CCDC38: variants seen among roughly 807,000 people sequenced by gnomAD.
The protein encoded by CCDC38 is coiled-coil domain containing 38.
CCDC38 carries 69 observed loss-of-function variants against 72.8 expected under a neutral mutation model. That is an observed-to-expected ratio of 0.95 (90% CI 0.78 to 1.16). CCDC38 has a LOEUF of 1.16. Among genes scored for constraint, CCDC38 ranks in the 50% most tolerant of loss-of-function variants. The pLI is 0.00. For synonymous variants in CCDC38, 201 were observed against 213.2 expected, an observed-to-expected ratio of 0.94 and a Z score of 0.50; for missense variants, 626 against 638.9, an observed-to-expected ratio of 0.98 and a Z score of 0.22.
At chr12:95,930,294 C>T (rs1391090289) in intron 2 of CCDC38, among the ~76,000 whole-genome samples, 2 of 152,152 alleles carry the variant, frequency 1.3e-5, no homozygotes, top group African/African-American at 4.8e-5. Flanking sequence ...CTTAAAACAA[C>T]AGAAATGTAG....
chr12:95,872,375 G>A lies in CCDC38; in HGVS notation c.1364C>T (p.Pro455Leu). 2 of 1,614,064 alleles carry A rather than the reference G, an allele frequency of 1.2e-6. No homozygotes were observed. The highest frequency in any genetic ancestry group is 1.7e-6 in the Non-Finnish European group (2 of 1,179,992). ...TTCTACTTTTACCAGCTTTTGAATTGGGTTGAGGCCGTCATCCTCAGCATC... is the reference window on the plus strand; with the variant it reads ...TTCTACTTTTACCAGCTTTTGAATTAGGTTGAGGCCGTCATCCTCAGCATC... ...IGDAEDDGLNPIQKLVKVESR... is the reference protein window; with the variant it reads ...IGDAEDDGLNLIQKLVKVESR... The change falls in exon 14 of 16, where the codon CCA becomes CTA. Residue 455 changes from proline (P) to leucine (L), a missense_variant. Coordinates refer to ENST00000344280, the MANE Select transcript of CCDC38 (RefSeq NM_182496.3).
At chr12:95,918,214 C>A (rs992536297) in intron 3 of CCDC38, among the ~76,000 whole-genome samples, 1 of 152,300 alleles carries the variant, frequency 6.6e-6, no homozygotes, top group Non-Finnish European at 1.5e-5. Flanking sequence ...ATTAACTCTG[C>A]AAGGCACAGT....
chr12:95,900,776 C>A (rs538725207), intron 5 of CCDC38, among the ~76,000 whole-genome samples: 40 of 152,036 alleles, frequency 2.6e-4, no homozygotes, highest in African/African-American at 9.2e-4. Context: ...CAAAAAAATC[C>A]CCCTTTAAAA....
At chr12:95,940,454 C>A (rs773714433) in intron 1 of CCDC38, among the ~76,000 whole-genome samples, 9 of 152,062 alleles carry the variant, frequency 5.9e-5, no homozygotes, top group Non-Finnish European at 1.2e-4. Flanking sequence ...TTGCAACAAC[C>A]CCCTCTAAAA....
At chr12:95,899,977 A>G (rs1274575073) in intron 5 of CCDC38, among the ~76,000 whole-genome samples, 1 of 152,238 alleles carries the variant, frequency 6.6e-6, no homozygotes, top group Non-Finnish European at 1.5e-5. Flanking sequence ...TGATGTGGTG[A>G]GAATTAAACA....
chr12:95,918,976 C>A lies in CCDC38; in HGVS notation c.38G>T (p.Gly13Val), dbSNP rs751094394. Residue 13 changes from glycine (G) to valine (V), a missense_variant and splice_region_variant, in exon 3 of 16, where the codon GGT (glycine) becomes GTT (valine). Transcript: ENST00000344280. ...TTTGGTTGAGCCATCTTTTACTTTA[C>A]CTGTTAAAAAAGAAAGAATGAATGA... is the stretch of plus-strand genomic sequence containing the variant. ...SNLLPTLNSG[G>V]KVKDGSTKED... 28 of 1,580,042 alleles carry A rather than the reference C, an allele frequency of 1.8e-5. No homozygotes were observed. The highest frequency in any genetic ancestry group is 2.7e-5 in the African/African-American group (2 of 74,080).
intron 10 of CCDC38, among the ~76,000 whole-genome samples, chr12:95,886,122 C>T (rs2079756368): frequency 6.6e-6 from 1 of 152,076 alleles, no homozygotes; most frequent in African/African-American, 2.4e-5. Flanking sequence ...AGGACAGCCA[C>T]AAAGATCAAT....
At position 95,888,506 on chromosome 12, in the gene CCDC38, C is replaced by T; in HGVS notation, c.872G>A (p.Gly291Glu). 1.2e-6 allele frequency: 2 copies of T among 1,613,944 alleles called. No individual in the cohort carries two copies. The highest frequency in any genetic ancestry group is 1.7e-6 in the Non-Finnish European group (2 of 1,179,972). The change falls in exon 10 of 16, where the codon GGA (glycine) becomes GAA (glutamate). Residue 291 changes from glycine to glutamate, a missense_variant and splice_region_variant. Physicochemically the swap from Gly to Glu is moderately conservative, Grantham distance 98 (BLOSUM62 -2). Transcript: ENST00000344280. ...GCGAGTCAGGCTTCTGCTTGGCTTT[C>T]CTGTTCAAAATGTCCAGGTGAGGCC... ...EDASQGRDSQ[G>E]KPSRSLTRTP...
intron 13 of CCDC38, among the ~76,000 whole-genome samples, chr12:95,876,865 G>A (rs1043722314): frequency 6.6e-6 from 1 of 152,060 alleles, no homozygotes; most frequent in African/African-American, 2.4e-5. Flanking sequence ...TCTCACTAAC[G>A]CAAGCCTCCT....
intron 13 of CCDC38, among the ~76,000 whole-genome samples, chr12:95,876,843 T>C (rs75200471): frequency 0.043 from 6,542 of 152,264 alleles, 459 homozygotes; most frequent in East Asian, 0.36. Flanking sequence ...TGTGATGTTG[T>C]GGCAGGCCAG....
intron 2 of CCDC38, among the ~76,000 whole-genome samples, chr12:95,925,259 C>A (rs2080256020): frequency 6.6e-6 from 1 of 152,088 alleles, no homozygotes; most frequent in Non-Finnish European, 1.5e-5. Context: ...CCTTCACATC[C>A]CTTGTAAGTT....
chr12:95,934,549 T>C (rs1592810222), intron 2 of CCDC38: 2 of 152,126 alleles, frequency 1.3e-5, no homozygotes, highest in South Asian at 4.2e-4. Context: ...ATCTTAGCCC[T>C]GTCACAGTTC....
rs574166362 is a variant in CCDC38 at position 95,890,770 on chromosome 12, C to T, written c.871+62G>A. On this transcript the variant is annotated intron_variant, in intron 9 of 15. Coordinates refer to ENST00000344280, the MANE Select transcript of CCDC38 (RefSeq NM_182496.3). The stretch of plus-strand genomic sequence containing the variant: ...TCCAGGTTGGCTTGTAGTCCTCTGT[C>T]TCCACTTTGAGATGGACACATTCGC... The T allele has an allele frequency of 1.6e-5, 16 of 1,030,502 alleles. No homozygotes were observed. The African/African-American group carries it at 2.2e-4, about 14-fold the overall frequency. The allele number at this position is 1,030,502 out of a possible 1,614,324, so 63.8% of individuals were successfully genotyped here.
At chr12:95,880,559 C>G (rs2079688396) in intron 11 of CCDC38, among the ~76,000 whole-genome samples, 2 of 151,356 alleles carry the variant, frequency 1.3e-5, no homozygotes, top group African/African-American at 4.9e-5. Context: ...GAGGCTGAGG[C>G]AGAGAATTGC....
rs1225593367 is a variant in CCDC38, at chr12:95,936,633, A to C, written c.-14-110T>G. On this transcript the variant is annotated intron_variant, in intron 1 of 15. Coordinates refer to ENST00000344280, the MANE Select transcript of CCDC38 (RefSeq NM_182496.3). ...AACAGTCCTTATGGCTTTTAAAAGCAGTGAGCACACACATACTCTTTGACC... is the reference window on the plus strand; with the variant it reads ...AACAGTCCTTATGGCTTTTAAAAGCCGTGAGCACACACATACTCTTTGACC... 6.5e-6 allele frequency: 5 copies of C among 769,420 alleles called. No individual in the cohort carries two copies. The Admixed American group carries it at 1.0e-4, about 16-fold the overall frequency. The allele number at this position is 769,420 out of a possible 1,614,324, so 47.7% of individuals were successfully genotyped here. A position where few individuals can be genotyped will look rare whatever the true frequency, so the allele number is the denominator to read the frequency against.
intron 10 of CCDC38, among the ~76,000 whole-genome samples, chr12:95,884,258 C>A (rs1485891310): frequency 1.3e-5 from 2 of 152,174 alleles, no homozygotes; most frequent in Non-Finnish European, 2.9e-5. Context: ...GGTATACAAT[C>A]AATTGTATTT....
chr12:95,927,749 CT>C (rs2080288695), intron 2 of CCDC38, among the ~76,000 whole-genome samples: 1 of 152,034 alleles, frequency 6.6e-6, no homozygotes, highest in African/African-American at 2.4e-5. Flanking sequence ...GACAAAATCG[CT>C]CAGCATTTGC....
intron 5 of CCDC38, among the ~76,000 whole-genome samples, chr12:95,900,468 G>T (rs1472209726): frequency 6.6e-6 from 1 of 152,162 alleles, no homozygotes; most frequent in African/African-American, 2.4e-5. Flanking sequence ...TTTGGAATTA[G>T]GGGTGATCAA....
At chr12:95,915,420 C>T (rs1456854038) in intron 4 of CCDC38, among the ~76,000 whole-genome samples, 1 of 152,188 alleles carries the variant, frequency 6.6e-6, no homozygotes, top group Non-Finnish European at 1.5e-5. Flanking sequence ...AGGCTGCTCG[C>T]TGTGCGAAGA....
Sources: allele counts gnomAD v4.1 joint callset (sites outside exome capture counted in the v4.1 genomes callset), GRCh38; gene constraint gnomAD v4.1.1; transcripts MANE v1.5; gene names NCBI Gene and HGNC (gene_info 2026-07-23, HGNC 2026-07-21).